Variants in SNAP25 observed in about 807,000 individuals in gnomAD.
The protein encoded by SNAP25 is synaptosomal-associated protein 25.
In SNAP25, 3 loss-of-function variants were observed where a neutral mutation model predicts 28.7. That is an observed-to-expected ratio of 0.10 (90% CI 0.05 to 0.27). The LOEUF (loss-of-function observed/expected upper bound fraction) is 0.27, where lower values mean the gene tolerates loss of function less well. Ranked by LOEUF, SNAP25 falls within the 10% of genes least tolerant of loss-of-function variation. The probability of loss-of-function intolerance (pLI) is 1.00; values close to 1 mark genes in which losing one functional copy is unlikely to be tolerated. For missense variants in SNAP25, 117 were observed against 278.7 expected (o/e 0.42, Z 4.13); for synonymous variants, 61 against 88.1 (o/e 0.69, Z 1.72).
intron 4 of SNAP25, among the ~76,000 whole-genome samples, chr20:10,285,763 A>C (rs1232549586): frequency 6.6e-6 from 1 of 152,196 alleles, no homozygotes; most frequent in East Asian, 1.9e-4. Context: ...TATCAAAGAA[A>C]AGGGCAGCAA....
At chr20:10,249,981 A>G (rs1214064241) in intron 1 of SNAP25, among the ~76,000 whole-genome samples, 1 of 152,100 alleles carries the variant, frequency 6.6e-6, no homozygotes, top group Non-Finnish European at 1.5e-5. Flanking sequence ...AGAGATTCCA[A>G]TTCAGCGGAT....
At chr20:10,280,661 A>C (rs1388973805) in intron 3 of SNAP25, among the ~76,000 whole-genome samples, 1 of 152,242 alleles carries the variant, frequency 6.6e-6, no homozygotes, top group East Asian at 1.9e-4. Context: ...TGGAGTCTGC[A>C]CATCAATGCC....
intron 1 of SNAP25, among the ~76,000 whole-genome samples, chr20:10,263,623 TG>T (rs2063458584): frequency 6.6e-6 from 1 of 152,304 alleles, no homozygotes; most frequent in Admixed American, 6.5e-5. Context: ...TCTTTTATTG[TG>T]GCCAAGTGTT....
chr20:10,263,939 G>A (rs1001660856), intron 1 of SNAP25, among the ~76,000 whole-genome samples: 4 of 152,120 alleles, frequency 2.6e-5, no homozygotes, highest in African/African-American at 9.7e-5. Flanking sequence ...TGGTCAGTGA[G>A]GCTGCTGTGC....
chr20:10,220,537 A>T lies in SNAP25; in HGVS notation c.-64+1560A>T, dbSNP rs541117828. 6.6e-5 allele frequency among the ~76,000 whole-genome samples: 10 copies of T among 152,318 alleles called. No individual in the cohort carries two copies. The South Asian group carries it at 1.9e-3, about 28-fold the overall frequency. On this transcript the variant is annotated intron_variant, in intron 1 of 7. Transcript: ENST00000254976. ...GGTCTACTGCAATTTCTCTTATGGCACTGCGGGATTTTGCTGAGGTGGTAA... is the reference window on the plus strand; with the variant it reads ...GGTCTACTGCAATTTCTCTTATGGCTCTGCGGGATTTTGCTGAGGTGGTAA...
At chr20:10,262,206 G>T (rs1394348696) in intron 1 of SNAP25, among the ~76,000 whole-genome samples, 1 of 152,190 alleles carries the variant, frequency 6.6e-6, no homozygotes, top group East Asian at 1.9e-4. Flanking sequence ...ATTGGCCTTA[G>T]TCCTGTTATT....
At chr20:10,242,894 A>G (rs1424695663) in intron 1 of SNAP25, among the ~76,000 whole-genome samples, 3 of 152,236 alleles carry the variant, frequency 2.0e-5, no homozygotes, top group Non-Finnish European at 4.4e-5. Context: ...ATCTTCTACC[A>G]AAGGTATCTG....
chr20:10,233,391 G>C lies in SNAP25; in HGVS notation c.-64+14414G>C, dbSNP rs565910675. 6.0e-5 allele frequency among the ~76,000 whole-genome samples: 9 copies of C among 149,230 alleles called. No homozygotes were observed. The South Asian group carries it at 1.0e-3, about 17-fold the overall frequency. ...CAACCCAGAGGGAAAAGATATGAATGTGATTCCTTGACCCAGCCAACCGTA... is the reference window on the plus strand; with the variant it reads ...CAACCCAGAGGGAAAAGATATGAATCTGATTCCTTGACCCAGCCAACCGTA... On this transcript the variant is annotated intron_variant, in intron 1 of 7. Coordinates refer to ENST00000254976, the MANE Select transcript of SNAP25 (RefSeq NM_130811.4).
chr20:10,298,154 T>A (rs955895434), intron 6 of SNAP25, among the ~76,000 whole-genome samples: 1 of 152,104 alleles, frequency 6.6e-6, no homozygotes, highest in Non-Finnish European at 1.5e-5. Flanking sequence ...CCACACCAAT[T>A]GAACCAGAAT....
intron 1 of SNAP25, among the ~76,000 whole-genome samples, chr20:10,233,665 A>G (rs1048084061): frequency 4.6e-5 from 7 of 152,154 alleles, no homozygotes; most frequent in African/African-American, 1.7e-4. Context: ...CTCAAGGTGG[A>G]AGAACTGGGC....
rs2064039409 is a variant in SNAP25, at chr20:10,293,352, C to A, written c.281+74C>A. The stretch of plus-strand genomic sequence containing the variant: ...CCAAGCCTTGACAAGCTCATTCCTG[C>A]CAAGCTCATAGGCAGGATGAGCATG... On this transcript the variant is annotated intron_variant, in intron 5 of 7. Transcript: ENST00000254976. This position sits in a 1 kb window ranked among gnomAD's most constrained non-coding sequence, Gnocchi z 5.6. The A allele has an allele frequency of 6.1e-6, 7 of 1,152,540 alleles. No homozygotes were observed. The highest frequency in any genetic ancestry group is 9.2e-6 in the Non-Finnish European group (7 of 764,442). 71.4% of individuals were successfully genotyped at this position (1,152,540 alleles called of 1,614,324 possible). A position where few individuals can be genotyped will look rare whatever the true frequency, so the allele number is the denominator to read the frequency against.
At chr20:10,237,470 G>T (rs1178039010) in intron 1 of SNAP25, among the ~76,000 whole-genome samples, 1 of 152,172 alleles carries the variant, frequency 6.6e-6, no homozygotes, top group Non-Finnish European at 1.5e-5. Flanking sequence ...AGTGCCAAGG[G>T]TATATGGTGG....
intron 1 of SNAP25, among the ~76,000 whole-genome samples, chr20:10,225,504 C>T (rs779988714): frequency 2.0e-5 from 3 of 152,104 alleles, no homozygotes; most frequent in South Asian, 2.1e-4. Flanking sequence ...TGCCTGCTCC[C>T]GAATGATGCT....
chr20:10,306,093 G>T, intron 7 of SNAP25, 36 bp from the exon 8 acceptor site: 1 of 1,606,914 alleles, frequency 6.2e-7, no homozygotes, highest in Non-Finnish European at 8.5e-7. Flanking sequence ...TTTTTAAGGG[G>T]TAACCTGAGT....
At chr20:10,270,554 G>C (rs1417908170) in intron 1 of SNAP25, among the ~76,000 whole-genome samples, 1 of 152,074 alleles carries the variant, frequency 6.6e-6, no homozygotes, top group Non-Finnish European at 1.5e-5. Context: ...CAAAAAATTA[G>C]CTGGGCGTGG....
In SNAP25 at chr20:10,306,929, A is replaced by G. The variant is rs1300414074; in HGVS notation, c.*732A>G. On this transcript the variant is annotated 3_prime_UTR_variant, in exon 8 of 8. Transcript: ENST00000254976. Reference sequence around the variant, plus strand: ...GTAGTGTCACTTTTTTCCTGTCAATATATAGAGACTTCTAAATCATAATCA... The same window carrying G: ...GTAGTGTCACTTTTTTCCTGTCAATGTATAGAGACTTCTAAATCATAATCA... 6.5e-6 allele frequency: 1 copy of G among 153,118 alleles called. No homozygotes were observed. The highest frequency in any genetic ancestry group is 1.5e-5 in the Non-Finnish European group (1 of 68,196). 9.5% of individuals were successfully genotyped at this position (153,118 alleles called of 1,614,324 possible).
At chr20:10,302,754 A>G (rs2064270104) in intron 7 of SNAP25, among the ~76,000 whole-genome samples, 1 of 152,128 alleles carries the variant, frequency 6.6e-6, no homozygotes, top group South Asian at 2.1e-4. Flanking sequence ...TCCAAATACC[A>G]GGAAGACATC....
chr20:10,274,372 A>G (rs985910987), intron 1 of SNAP25, among the ~76,000 whole-genome samples: 3 of 152,216 alleles, frequency 2.0e-5, no homozygotes, highest in African/African-American at 4.8e-5. Context: ...ACATGCTTCT[A>G]AACACAATGG....
rs2063672863 is a variant in SNAP25, at chr20:10,275,336, G to A, written c.-63-93G>A. The A allele has an allele frequency of 1.3e-5, 6 of 476,566 alleles. No homozygotes were observed. In the South Asian group the frequency reaches 2.2e-4, roughly 18 times the overall value. The allele number at this position is 476,566 out of a possible 1,614,324, so 29.5% of individuals were successfully genotyped here. A position where few individuals can be genotyped will look rare whatever the true frequency, so the allele number is the denominator to read the frequency against. ...TCAGATCAGAAAACTGAGTCATGTG[G>A]ACTGAGTATGGGCCATTTAGATTTT... On this transcript the variant is annotated intron_variant, in intron 1 of 7. Coordinates refer to ENST00000254976, the MANE Select transcript of SNAP25 (RefSeq NM_130811.4).
Sources: gnomAD v4.1 joint callset for allele counts (sites outside exome capture counted in the v4.1 genomes callset) on GRCh38, gnomAD v4.1.1 for gene constraint, Gnocchi (gnomAD v3.1) non-coding constraint, MANE v1.5 for transcripts, NCBI Gene and HGNC (gene_info 2026-07-23, HGNC 2026-07-21) for gene names.